The following HS6ST3 variants were observed in gnomAD, a reference collection of about 807,000 sequenced individuals.
HS6ST3 encodes heparan-sulfate 6-O-sulfotransferase 3.
HS6ST3 carries 12 observed loss-of-function variants against 36.7 expected under a neutral mutation model. The ratio of observed to expected loss-of-function variants is 0.33; its 90% CI spans 0.21 to 0.53. The LOEUF is 0.53. Among genes scored for constraint, HS6ST3 ranks in the 20% least tolerant of loss-of-function variants. The probability of loss-of-function intolerance (pLI) is 0.95; values close to 1 mark genes in which losing one functional copy is unlikely to be tolerated. For missense variants in HS6ST3, 584 were observed against 640.9 expected (o/e 0.91, Z 0.96); for synonymous variants, 240 against 257.5 (o/e 0.93, Z 0.65).
At chr13:96,589,850 T>G (rs1734090050) in intron 1 of HS6ST3, among the ~76,000 whole-genome samples, 1 of 152,132 alleles carries the variant, frequency 6.6e-6, no homozygotes, top group South Asian at 2.1e-4. Flanking sequence ...CCTTTCTAGC[T>G]TCTGGAAACA....
intron 1 of HS6ST3, among the ~76,000 whole-genome samples, chr13:96,333,420 G>A (rs766426012): frequency 2.6e-5 from 4 of 152,160 alleles, no homozygotes; most frequent in Non-Finnish European, 5.9e-5. Context: ...GTTAAGACTT[G>A]TGGTAAAAGT....
In HS6ST3 at chr13:96,764,285, T is replaced by C. The variant is rs373607827; in HGVS notation, c.708-68205T>C. On this transcript the variant is annotated intron_variant, in intron 1 of 1. Transcript: ENST00000376705. ...AACTAGACTGTAGTTTGAAAGTGAT[T>C]GGTCTTATTAACTAGAGAGGGAAGC... Among the ~76,000 whole-genome samples the C allele has an allele frequency of 8.5e-5, 13 of 152,356 alleles. No individual in the cohort carries two copies. The East Asian group carries it at 2.3e-3, about 27-fold the overall frequency.
At chr13:96,406,477 T>C (rs1167099449) in intron 1 of HS6ST3, among the ~76,000 whole-genome samples, 2 of 152,242 alleles carry the variant, frequency 1.3e-5, no homozygotes, top group Non-Finnish European at 2.9e-5. Flanking sequence ...AAGTGCTGTA[T>C]GTATTCATCT....
At chr13:96,589,257 C>T (rs1170455676) in intron 1 of HS6ST3, among the ~76,000 whole-genome samples, 2 of 151,910 alleles carry the variant, frequency 1.3e-5, no homozygotes, top group African/African-American at 4.8e-5. Context: ...TCTATTTCTT[C>T]ATAATTCAGT....
At chr13:96,581,350 G>T (rs2056341402) in intron 1 of HS6ST3, among the ~76,000 whole-genome samples, 1 of 151,906 alleles carries the variant, frequency 6.6e-6, no homozygotes, top group African/African-American at 2.4e-5. Flanking sequence ...CTGCAGAGTA[G>T]CTGAGACTAC....
At chr13:96,408,155 G>A (rs1482252427) in intron 1 of HS6ST3, among the ~76,000 whole-genome samples, 1 of 152,052 alleles carries the variant, frequency 6.6e-6, no homozygotes, top group African/African-American at 2.4e-5. Context: ...GGCCAGGATG[G>A]TCTCAATCTC....
At chr13:96,223,697 C>A (rs2054466909) in intron 1 of HS6ST3, among the ~76,000 whole-genome samples, 2 of 151,352 alleles carry the variant, frequency 1.3e-5, no homozygotes, top group Non-Finnish European at 2.9e-5. Context: ...CAGGTTATTT[C>A]TTTATTTGTG....
At chr13:96,642,562 G>A (rs1038930250) in intron 1 of HS6ST3, among the ~76,000 whole-genome samples, 1 of 151,778 alleles carries the variant, frequency 6.6e-6, no homozygotes, top group African/African-American at 2.4e-5. Flanking sequence ...AGGTCTCTGA[G>A]GCTCTGCTAG....
intron 1 of HS6ST3, among the ~76,000 whole-genome samples, chr13:96,212,457 T>C (rs1224521915): frequency 6.6e-6 from 1 of 152,252 alleles, no homozygotes; most frequent in Admixed American, 6.5e-5. Flanking sequence ...CTGAATCTTA[T>C]GTGCTTGTAG....
rs555885087 is a variant in HS6ST3 at position 96,117,010 on chromosome 13, C to CT, written c.707+25442dup. ...TACATATATAAACTTCAGAAAGTCA[C>CT]TAAGCCCTGTGATCTCCAATTTACT... On this transcript the variant is annotated intron_variant, in intron 1 of 1. Transcript: ENST00000376705. Among the ~76,000 whole-genome samples the CT allele has an allele frequency of 3.7e-3, 566 of 152,286 alleles. 3 individuals are homozygous for CT. Among genetic ancestry groups the CT allele is most frequent in the African/African-American group, 0.013 (545 of 41,564 alleles).
At chr13:96,144,665 A>G (rs1305784690) in intron 1 of HS6ST3, among the ~76,000 whole-genome samples, 1 of 151,342 alleles carries the variant, frequency 6.6e-6, no homozygotes, top group East Asian at 1.9e-4. Flanking sequence ...TTATACTTTA[A>G]GTTTTAGGGT....
intron 1 of HS6ST3, among the ~76,000 whole-genome samples, chr13:96,250,113 G>T (rs533910405): frequency 2.8e-4 from 43 of 152,244 alleles, no homozygotes; most frequent in Admixed American, 2.6e-4. Flanking sequence ...ATATTTTACC[G>T]CAATAAATGA....
chr13:96,567,406 C>A (rs1385337274), intron 1 of HS6ST3, among the ~76,000 whole-genome samples: 3 of 152,064 alleles, frequency 2.0e-5, no homozygotes, highest in Admixed American at 6.6e-5. Flanking sequence ...ACTTGATTGG[C>A]ATCAGACTTC....
intron 1 of HS6ST3, among the ~76,000 whole-genome samples, chr13:96,762,017 G>A (rs1057158146): frequency 6.6e-6 from 1 of 151,744 alleles, no homozygotes; most frequent in African/African-American, 2.4e-5. Flanking sequence ...TATACACACA[G>A]CTATATATTT....
intron 1 of HS6ST3, among the ~76,000 whole-genome samples, chr13:96,740,199 C>G (rs891285822): frequency 5.9e-5 from 9 of 152,304 alleles, no homozygotes; most frequent in African/African-American, 2.2e-4. Flanking sequence ...GTACGTGATA[C>G]TGACTCTCGT....
At chr13:96,500,188 T>G (rs564230399) in intron 1 of HS6ST3, among the ~76,000 whole-genome samples, 1 of 152,280 alleles carries the variant, frequency 6.6e-6, no homozygotes, top group Non-Finnish European at 1.5e-5. Flanking sequence ...CAACCTGTGG[T>G]CCTTTGTGAC....
At chr13:96,782,737 C>T (rs1292937843) in intron 1 of HS6ST3, among the ~76,000 whole-genome samples, 1 of 152,082 alleles carries the variant, frequency 6.6e-6, no homozygotes, top group East Asian at 1.9e-4. Context: ...CCTTTAACTC[C>T]AATGGTGAGC....
In HS6ST3 at chr13:96,832,240, C is replaced by A. The variant is rs553513890; in HGVS notation, c.708-250C>A. Among the ~76,000 whole-genome samples, 11 of 152,270 alleles carry A rather than the reference C, an allele frequency of 7.2e-5. No homozygotes were observed. The South Asian group carries it at 2.3e-3, about 32-fold the overall frequency. Reference sequence around the variant, plus strand: ...CGAATGAATGAATGAACTATCTATTCTTTCCACCCCATGCTTCCCCACACT... The same window carrying A: ...CGAATGAATGAATGAACTATCTATTATTTCCACCCCATGCTTCCCCACACT... On this transcript the variant is annotated intron_variant, in intron 1 of 1. Transcript: ENST00000376705.
intron 1 of HS6ST3, among the ~76,000 whole-genome samples, chr13:96,099,941 G>T (rs1462426125): frequency 2.0e-5 from 3 of 152,114 alleles, no homozygotes; most frequent in Non-Finnish European, 4.4e-5. Flanking sequence ...AAAGACATGT[G>T]GTAACTTAAT....
Sources: allele counts gnomAD v4.1 joint callset (sites outside exome capture counted in the v4.1 genomes callset), GRCh38; gene constraint gnomAD v4.1.1; transcripts MANE v1.5; gene names NCBI Gene and HGNC (gene_info 2026-07-23, HGNC 2026-07-21).